Variants in AKAP12 observed in about 807,000 individuals in gnomAD.
The protein encoded by AKAP12 is A-kinase anchor protein 12.
In AKAP12, 32 loss-of-function variants were observed where a neutral mutation model predicts 79.9. That is an observed-to-expected ratio of 0.40 (90% CI 0.30 to 0.54). The LOEUF is 0.54. AKAP12 is among the 20% of genes least tolerant of loss of function. The pLI is 0.48. For synonymous variants in AKAP12, 808 were observed against 857.0 expected (o/e 0.94, Z 1.00); for missense variants, 2,074 against 2,177.0 (o/e 0.95, Z 0.94).
intron 3 of AKAP12, among the ~76,000 whole-genome samples, chr6:151,326,818 G>GT (rs35733082): frequency 0.19 from 28,598 of 151,352 alleles, 4,735 homozygotes; most frequent in African/African-American, 0.45. Flanking sequence ...TTGTTTGTTT[G>GT]TTTTTTGTTT....
rs1778216281 is a variant in AKAP12 at position 151,349,525 on chromosome 6, G to A, written c.1134G>A (p.Glu378=). 6.2e-7 allele frequency: 1 copy of A among 1,611,006 alleles called. No homozygotes were observed. The highest frequency in any genetic ancestry group is 1.3e-5 in the African/African-American group (1 of 74,492). The change falls in exon 4 of 5, where the codon GAG becomes GAA. Residue 378 remains glutamate (E), a synonymous_variant. Transcript: ENST00000402676. ...TATCAGCTGAATATGAGAAAGTTGA[G>A]CTGCCCTCAGAGGAGCAAGTCAGTG... ...PRLSAEYEKV[E]LPSEEQVSGS...
intron 3 of AKAP12, among the ~76,000 whole-genome samples, chr6:151,319,209 A>G (rs1777304830): frequency 6.6e-6 from 1 of 152,100 alleles, no homozygotes; most frequent in Non-Finnish European, 1.5e-5. Flanking sequence ...TATTCTTCAG[A>G]GTATTTATCT....
At chr6:151,297,657 G>A (rs1243889407) in intron 2 of AKAP12, among the ~76,000 whole-genome samples, 2 of 151,674 alleles carry the variant, frequency 1.3e-5, no homozygotes, top group African/African-American at 4.8e-5. Context: ...GCCATGTTAC[G>A]TGTAGCCGTA....
In AKAP12 at chr6:151,352,365, A is replaced by G; in HGVS notation, c.3974A>G (p.His1325Arg). 6.2e-7 allele frequency: 1 copy of G among 1,614,224 alleles called. No individual in the cohort carries two copies. Among genetic ancestry groups the G allele is most frequent in the East Asian group, 2.2e-5 (1 of 44,876 alleles). The change falls in exon 4 of 5, where the codon CAC becomes CGC. Residue 1325 changes from histidine to arginine, a missense_variant. Physicochemically the swap from His to Arg is conservative, Grantham distance 29 (BLOSUM62 0). Transcript: ENST00000402676. ...GATGATGCTCTTGAACTGCAGAGTC[A>G]CGCTAAGTCTCCTCCATCCCCCGTG... ...KKDDALELQS[H>R]AKSPPSPVER...
intron 2 of AKAP12, among the ~76,000 whole-genome samples, chr6:151,245,005 T>G (rs2114675017): frequency 6.6e-6 from 1 of 152,394 alleles, no homozygotes; most frequent in East Asian, 1.9e-4. Flanking sequence ...GGTTGACTAA[T>G]TTCTATGCCT....
intron 3 of AKAP12, among the ~76,000 whole-genome samples, chr6:151,309,170 C>T (rs1309468205): frequency 2.6e-5 from 4 of 152,142 alleles, no homozygotes; most frequent in Non-Finnish European, 4.4e-5. Context: ...TCACCGTGCC[C>T]GGCTCGCTCA....
intron 2 of AKAP12, among the ~76,000 whole-genome samples, chr6:151,281,323 T>C (rs1776402845): frequency 6.6e-6 from 1 of 152,244 alleles, no homozygotes; most frequent in Admixed American, 6.5e-5. Flanking sequence ...GTGATATTGG[T>C]AGTGTTACTT....
At chr6:151,327,244 A>G (rs1202538886) in intron 3 of AKAP12, among the ~76,000 whole-genome samples, 1 of 152,076 alleles carries the variant, frequency 6.6e-6, no homozygotes, top group African/African-American at 2.4e-5. Context: ...CAATACTAAA[A>G]TTATCTCTCA....
chr6:151,297,855 C>T (rs1217870529), intron 2 of AKAP12, among the ~76,000 whole-genome samples: 1 of 152,046 alleles, frequency 6.6e-6, no homozygotes, highest in Non-Finnish European at 1.5e-5. Flanking sequence ...AAAAGGTGAC[C>T]GTAGTGTGAG....
chr6:151,355,231 T>C (rs896912428), intron 4 of AKAP12, among the ~76,000 whole-genome samples: 41 of 151,356 alleles, frequency 2.7e-4, no homozygotes, highest in African/African-American at 9.7e-4. Flanking sequence ...TCAAGTGATC[T>C]GCCCGCCTCG....
chr6:151,256,974 A>C (rs946289924), intron 2 of AKAP12, among the ~76,000 whole-genome samples: 5 of 145,902 alleles, frequency 3.4e-5, no homozygotes, highest in Non-Finnish European at 7.5e-5. Context: ...ACTTTAAATT[A>C]ACCAAATATA....
At chr6:151,275,898 G>A (rs17081009) in intron 2 of AKAP12, among the ~76,000 whole-genome samples, 6,665 of 152,250 alleles carry the variant, frequency 0.044, 234 homozygotes, top group East Asian at 0.14. Flanking sequence ...TGAATACCTC[G>A]TTGATCTGGA....
intron 3 of AKAP12, among the ~76,000 whole-genome samples, chr6:151,344,922 A>G (rs575371186): frequency 6.6e-6 from 1 of 152,350 alleles, no homozygotes; most frequent in South Asian, 2.1e-4. Context: ...GATTTGTAAT[A>G]TTTCATAAAT....
chr6:151,330,878 G>C (rs1562742585), intron 3 of AKAP12, among the ~76,000 whole-genome samples: 1 of 152,154 alleles, frequency 6.6e-6, no homozygotes, highest in Admixed American at 6.5e-5. Flanking sequence ...CTTGCGGATG[G>C]GGAACACATA....
At position 151,358,492 on chromosome 6, in the gene AKAP12, T is replaced by G. The variant is rs762370039; in HGVS notation, c.*2778T>G. 6.6e-6 allele frequency: 1 copy of G among 152,356 alleles called. No individual in the cohort carries two copies. Among genetic ancestry groups the G allele is most frequent in the Non-Finnish European group, 1.5e-5 (1 of 68,038 alleles). 9.4% of individuals were successfully genotyped at this position (152,356 alleles called of 1,614,324 possible). A position where few individuals can be genotyped will look rare whatever the true frequency, so the allele number is the denominator to read the frequency against. ...ACAATATTTGATTCCTAGTTCTGTTTGGGGCAAATTTTCATTTATCTAAAT... is the reference window on the plus strand; with the variant it reads ...ACAATATTTGATTCCTAGTTCTGTTGGGGGCAAATTTTCATTTATCTAAAT... On this transcript the variant is annotated 3_prime_UTR_variant, in exon 5 of 5. Coordinates refer to ENST00000402676, the MANE Select transcript of AKAP12 (RefSeq NM_005100.4).
chr6:151,263,737 C>A (rs1310729065), intron 2 of AKAP12, among the ~76,000 whole-genome samples: 1 of 152,166 alleles, frequency 6.6e-6, no homozygotes, highest in Non-Finnish European at 1.5e-5. Flanking sequence ...CGCACCCACA[C>A]CTGGCTAATT....
intron 3 of AKAP12, among the ~76,000 whole-genome samples, chr6:151,306,358 G>A (rs1452295478): frequency 6.6e-6 from 1 of 152,144 alleles, no homozygotes; most frequent in Non-Finnish European, 1.5e-5. Context: ...TCGAGGAATG[G>A]TTATTGAAGA....
At chr6:151,317,962 G>C (rs1052041398) in intron 3 of AKAP12, among the ~76,000 whole-genome samples, 1 of 152,194 alleles carries the variant, frequency 6.6e-6, no homozygotes, top group Non-Finnish European at 1.5e-5. Flanking sequence ...CAGAGCCAAG[G>C]TTTGCTCTCA....
Position 151,287,643 on chromosome 6 carries a change from G to A in AKAP12, c.163-18104G>A, listed in dbSNP as rs1776532429. Among the ~76,000 whole-genome samples the A allele has an allele frequency of 2.0e-5, 3 of 152,210 alleles. No individual in the cohort carries two copies. In the South Asian group the frequency reaches 6.2e-4, roughly 31 times the overall value. On this transcript the variant is annotated intron_variant, in intron 2 of 4. Transcript: ENST00000402676. ...GAGTATAAATTAGTCAACCATTGTGGAAGACAGTGTGGCGATTCCTCAAGG... is the reference window on the plus strand; with the variant it reads ...GAGTATAAATTAGTCAACCATTGTGAAAGACAGTGTGGCGATTCCTCAAGG...
Sources: gnomAD v4.1 joint callset for allele counts (sites outside exome capture counted in the v4.1 genomes callset) on GRCh38, gnomAD v4.1.1 for gene constraint, MANE v1.5 for transcripts, NCBI Gene and HGNC (gene_info 2026-07-23, HGNC 2026-07-21) for gene names.